LYST: variants seen among roughly 807,000 people sequenced by gnomAD.
The protein encoded by LYST is lysosomal-trafficking regulator.
In LYST, 192 loss-of-function variants were observed where a neutral mutation model predicts 413.6. That is an observed-to-expected ratio of 0.46 (90% CI 0.41 to 0.52). The LOEUF (loss-of-function observed/expected upper bound fraction) is 0.52, where lower values mean the gene tolerates loss of function less well. Ranked by LOEUF, LYST falls within the 20% of genes least tolerant of loss-of-function variation. LYST has a pLI of 0.00. For missense variants in LYST, 3,815 were observed against 4,499.9 expected, an observed-to-expected ratio of 0.85 and a Z score of 4.35; for synonymous variants, 1,525 against 1,567.3, an observed-to-expected ratio of 0.97 and a Z score of 0.64.
rs1673092283 is a variant in LYST, at chr1:235,808,388, T to C, written c.2363+67A>G. 7 of 1,438,990 alleles carry C rather than the reference T, an allele frequency of 4.9e-6. No homozygotes were observed. The Admixed American group carries it at 1.3e-4, about 27-fold the overall frequency. The allele number at this position is 1,438,990 out of a possible 1,614,324, so 89.1% of individuals were successfully genotyped here. A position where few individuals can be genotyped will look rare whatever the true frequency, so the allele number is the denominator to read the frequency against. ...ACAATTTATCACTCACTTGAAAGCATCCAATGAAAAAGATCTAGACATGCT... is the reference window on the plus strand; with the variant it reads ...ACAATTTATCACTCACTTGAAAGCACCCAATGAAAAAGATCTAGACATGCT... On this transcript the variant is annotated intron_variant, in intron 5 of 52. Transcript: ENST00000389793.
intron 2 of LYST, among the ~76,000 whole-genome samples, chr1:235,830,983 C>T (rs1675908722): frequency 6.6e-6 from 1 of 151,988 alleles, no homozygotes; most frequent in South Asian, 2.1e-4. Flanking sequence ...GGTAATGTGA[C>T]ATTTTAAGAT....
chr1:235,762,977 C>T, intron 21 of LYST, 126 bp from the exon 22 acceptor site: 1 of 716,074 alleles, frequency 1.4e-6, no homozygotes, highest in Non-Finnish European at 2.5e-6. Flanking sequence ...AAATATATAG[C>T]ATACTTTATA....
intron 45 of LYST, among the ~76,000 whole-genome samples, chr1:235,698,064 G>T (rs1661245547): frequency 6.6e-6 from 1 of 152,084 alleles, no homozygotes; most frequent in African/African-American, 2.4e-5. Context: ...CTTTTAAAGA[G>T]TTTCCCCAAA....
chr1:235,813,769 C>T (rs569642685), intron 3 of LYST, among the ~76,000 whole-genome samples: 12 of 152,208 alleles, frequency 7.9e-5, no homozygotes, highest in African/African-American at 2.9e-4. Context: ...CAGTCATTAT[C>T]AGAAGTATGG....
intron 1 of LYST, among the ~76,000 whole-genome samples, chr1:235,846,509 C>T (rs1677892795): frequency 6.6e-6 from 1 of 152,044 alleles, no homozygotes; most frequent in Non-Finnish European, 1.5e-5. Flanking sequence ...AGCAATAGAT[C>T]CAAACCAAGA....
intron 38 of LYST, among the ~76,000 whole-genome samples, chr1:235,727,046 TTAAA>T (rs1169413757): frequency 6.6e-6 from 1 of 152,172 alleles, no homozygotes; most frequent in East Asian, 1.9e-4. Flanking sequence ...TCTGACTACT[TTAAA>T]TACTTTCATG....
Position 235,752,171 on chromosome 1 carries a change from G to A in LYST, c.7461C>T (p.Asn2487=), listed in dbSNP as rs770391160. Residue 2487 remains asparagine, a splice_region_variant and synonymous_variant, in exon 27 of 53, where the codon AAC becomes AAT. Transcript: ENST00000389793. The stretch of plus-strand genomic sequence containing the variant: ...GCAATTTATATTCACTCATGGGAAT[G>A]CTAAAGATAACAACAAAAGAAGAAA... ...TVAALNGLEK[N]IPMSEYKLLA... 2 of 1,600,142 alleles carry A rather than the reference G, an allele frequency of 1.2e-6. No homozygotes were observed. Among genetic ancestry groups the A allele is most frequent in the Non-Finnish European group, 1.7e-6 (2 of 1,168,682 alleles).
At chr1:235,738,939 A>C in intron 31 of LYST, 1 of 727,326 alleles carries the variant, frequency 1.4e-6, no homozygotes, top group Non-Finnish European at 2.6e-6. Flanking sequence ...GGCCCATTTG[A>C]AGAACAGTGC....
intron 50 of LYST, among the ~76,000 whole-genome samples, chr1:235,675,112 A>G (rs1302612524): frequency 1.3e-5 from 2 of 152,206 alleles, no homozygotes; most frequent in East Asian, 3.8e-4. Flanking sequence ...AGGAAGAAGT[A>G]TAACATCAAA....
chr1:235,748,991 T>A (rs367736258), intron 28 of LYST, among the ~76,000 whole-genome samples: 1 of 145,002 alleles, frequency 6.9e-6, no homozygotes, highest in African/African-American at 2.6e-5. Context: ...AAATGCTAAA[T>A]GAATCTATTT....
intron 3 of LYST, among the ~76,000 whole-genome samples, chr1:235,826,471 G>A (rs76702177): frequency 0.021 from 3,207 of 152,272 alleles, 114 homozygotes; most frequent in African/African-American, 0.073. Context: ...ACTGAATTAT[G>A]CAACAACATG....
Position 235,674,368 on chromosome 1 carries a change from T to C in LYST, c.11038+2723A>G, listed in dbSNP as rs908905057. Among the ~76,000 whole-genome samples the C allele has an allele frequency of 1.3e-5, 2 of 150,282 alleles. No homozygotes were observed. The highest frequency in any genetic ancestry group is 4.9e-5 in the African/African-American group (2 of 40,650). ...ATCCAATTAGCCATCCCTTTCACCCTGGCATTTCATCAACCAAATAGAAAG... is the reference window on the plus strand; with the variant it reads ...ATCCAATTAGCCATCCCTTTCACCCCGGCATTTCATCAACCAAATAGAAAG... On this transcript the variant is annotated intron_variant, in intron 50 of 52. Transcript: ENST00000389793. This position sits in a 1 kb window ranked among gnomAD's most constrained non-coding sequence, Gnocchi z 4.1.
At position 235,824,877 on chromosome 1, in the gene LYST, A is replaced by C. The variant is rs144382506; in HGVS notation, c.192+5349T>G. ...TCTACTAAAACTACAAAAATTAGCC[A>C]GGTGCAGTGGCAGGTGCCTATAATC... On this transcript the variant is annotated intron_variant, in intron 3 of 52. Transcript: ENST00000389793. Among the ~76,000 whole-genome samples the C allele has an allele frequency of 7.2e-3, 1,089 of 152,180 alleles. 11 individuals are homozygous for C. The highest frequency in any genetic ancestry group is 0.025 in the African/African-American group (1,039 of 41,534).
chr1:235,732,120 C>A (rs1664436928), intron 34 of LYST, among the ~76,000 whole-genome samples: 1 of 151,344 alleles, frequency 6.6e-6, no homozygotes, highest in African/African-American at 2.4e-5. Flanking sequence ...TCATTATGAT[C>A]ATTTTTCTAT....
Position 235,712,044 on chromosome 1 carries a change from T to C in LYST, c.9925+13A>G, listed in dbSNP as rs1465801484. On this transcript the variant is annotated intron_variant, in intron 43 of 52. Coordinates refer to ENST00000389793, the MANE Select transcript of LYST (RefSeq NM_000081.4). ...CCTCAGAAATATAAATTAAAAATAA[T>C]TTATTGCTATACCTTCACGGTTAAC... The C allele has an allele frequency of 6.6e-7, 1 of 1,511,918 alleles. No homozygotes were observed. Among genetic ancestry groups the C allele is most frequent in the Non-Finnish European group, 8.9e-7 (1 of 1,124,392 alleles). 93.7% of individuals were successfully genotyped at this position (1,511,918 alleles called of 1,614,324 possible).
At chr1:235,728,315 C>T (rs948412487) in intron 37 of LYST, among the ~76,000 whole-genome samples, 184 bp from the exon 38 acceptor site, 3 of 151,796 alleles carry the variant, frequency 2.0e-5, no homozygotes, top group African/African-American at 7.3e-5. Flanking sequence ...TGCTTTACCT[C>T]TTTGTGTCTT....
chr1:235,822,886 C>T (rs1674912865), intron 3 of LYST, among the ~76,000 whole-genome samples: 1 of 152,166 alleles, frequency 6.6e-6, no homozygotes, highest in Non-Finnish European at 1.5e-5. Context: ...AGATGAGAAG[C>T]CATGTGGATG....
At chr1:235,787,935 T>C (rs1476427327) in intron 13 of LYST, among the ~76,000 whole-genome samples, 1 of 152,102 alleles carries the variant, frequency 6.6e-6, no homozygotes, top group Non-Finnish European at 1.5e-5. Flanking sequence ...CTATACTACT[T>C]AATAAAGGAG....
chr1:235,770,118 C>G lies in LYST; in HGVS notation c.5922+42G>C, dbSNP rs755905826. On this transcript the variant is annotated intron_variant, in intron 20 of 52. Coordinates refer to ENST00000389793, the MANE Select transcript of LYST (RefSeq NM_000081.4). ...TGATGTTCATAGTATTATTAAACAA[C>G]TGTGGAATATATTTCCAAAAGTAAA... 7 of 1,598,832 alleles carry G rather than the reference C, an allele frequency of 4.4e-6. No individual in the cohort carries two copies. In the South Asian group the frequency reaches 6.6e-5, roughly 15 times the overall value.
Sources: allele counts gnomAD v4.1 joint callset (sites outside exome capture counted in the v4.1 genomes callset), GRCh38; gene constraint gnomAD v4.1.1; non-coding constraint Gnocchi (gnomAD v3.1); transcripts MANE v1.5; gene names NCBI Gene and HGNC (gene_info 2026-07-23, HGNC 2026-07-21).